The following TRABD2B variants were observed in gnomAD, a reference collection of about 807,000 sequenced individuals.
The protein encoded by TRABD2B is TraB domain containing 2B.
Under a neutral mutation model 40.1 loss-of-function variants are expected in TRABD2B, and 14 were observed. The observed-to-expected ratio is 0.35, with a 90% CI of 0.23 to 0.55. The LOEUF is 0.55. TRABD2B is among the 20% of genes least tolerant of loss of function. The pLI is 0.90. For synonymous variants in TRABD2B, 263 were observed against 277.0 expected (o/e 0.95, Z 0.50); for missense variants, 541 against 648.6 (o/e 0.83, Z 1.80).
intron 4 of TRABD2B, among the ~76,000 whole-genome samples, chr1:47,779,413 G>A (rs187251235): frequency 6.6e-6 from 1 of 152,324 alleles, no homozygotes; most frequent in Admixed American, 6.5e-5. Context: ...AAACATTCAT[G>A]ACAACCTTGC....
chr1:47,865,186 T>C (rs930265354), intron 2 of TRABD2B, among the ~76,000 whole-genome samples: 6 of 152,194 alleles, frequency 3.9e-5, no homozygotes, highest in South Asian at 2.1e-4. Context: ...TGGGAGGTCA[T>C]TGCCCATTTC....
chr1:47,897,796 T>C (rs542157073), intron 2 of TRABD2B, among the ~76,000 whole-genome samples: 1 of 152,330 alleles, frequency 6.6e-6, no homozygotes, highest in African/African-American at 2.4e-5. Flanking sequence ...GCCGACCTAC[T>C]CTACCTCTCT....
chr1:47,889,276 C>T (rs906300531), intron 2 of TRABD2B, among the ~76,000 whole-genome samples: 1 of 152,230 alleles, frequency 6.6e-6, no homozygotes, highest in Non-Finnish European at 1.5e-5. Flanking sequence ...CAGCTCTGCC[C>T]CACCATGCAG....
At chr1:47,945,739 T>C (rs543782536) in intron 2 of TRABD2B, among the ~76,000 whole-genome samples, 11 of 152,328 alleles carry the variant, frequency 7.2e-5, no homozygotes, top group African/African-American at 2.6e-4. Flanking sequence ...ATCAGTAGTT[T>C]TTTTCCTTTT....
At chr1:47,794,998 C>G (rs1644729234) in intron 3 of TRABD2B, among the ~76,000 whole-genome samples, 1 of 152,150 alleles carries the variant, frequency 6.6e-6, no homozygotes, top group South Asian at 2.1e-4. Context: ...CGAACTCCTC[C>G]TGGCTCAAGC....
intron 4 of TRABD2B, among the ~76,000 whole-genome samples, chr1:47,782,791 T>C (rs1388929587): frequency 6.6e-6 from 1 of 152,026 alleles, no homozygotes; most frequent in Non-Finnish European, 1.5e-5. Flanking sequence ...AATCCTAAAA[T>C]AGGTGCCACA....
chr1:47,923,743 C>T (rs1431223273), intron 2 of TRABD2B, among the ~76,000 whole-genome samples: 2 of 152,066 alleles, frequency 1.3e-5, no homozygotes, highest in Non-Finnish European at 2.9e-5. Context: ...AGAGAAAAAG[C>T]CTGACCTCCC....
intron 2 of TRABD2B, among the ~76,000 whole-genome samples, chr1:47,968,597 C>T (rs1645636810): frequency 6.6e-6 from 1 of 152,208 alleles, no homozygotes; most frequent in African/African-American, 2.4e-5. Context: ...CCCTTTGAAT[C>T]ACCTCAACCA....
intron 2 of TRABD2B, among the ~76,000 whole-genome samples, chr1:47,960,851 G>GA (rs1303446645): frequency 6.6e-6 from 1 of 151,942 alleles, no homozygotes; most frequent in Admixed American, 6.6e-5. Flanking sequence ...CACAGAATTG[G>GA]AAAAAACTAC....
intron 2 of TRABD2B, among the ~76,000 whole-genome samples, chr1:47,878,005 G>GAA (rs761950614): frequency 2.4e-5 from 3 of 123,472 alleles, no homozygotes; most frequent in Admixed American, 8.4e-5. Flanking sequence ...CTCCATCTCA[G>GAA]AAAAAAAAAA....
Position 47,994,235 on chromosome 1 carries a change from C to A in TRABD2B, c.465G>T (p.Ala155=), listed in dbSNP as rs3814006. The part of the protein sequence containing the change: ...LYADYLFNAI[A]GNWERKRPVW... ...CGGGCCTCTTGCGCTCCCAGTTGCC[C>A]GCGATGGCATTGAATAGGTAGTCAG... Residue 155 remains alanine (A), a synonymous_variant, in exon 2 of 7, where the codon GCG becomes GCT. Coordinates refer to ENST00000606738, the MANE Select transcript of TRABD2B (RefSeq NM_001194986.2). The surrounding 1 kb of genome is among the most constrained non-coding windows in gnomAD (Gnocchi z 6.7). 6.5e-7 allele frequency: 1 copy of A among 1,543,952 alleles called. No homozygotes were observed. Among genetic ancestry groups the A allele is most frequent in the East Asian group, 2.4e-5 (1 of 41,488 alleles).
chr1:47,807,974 G>A (rs1419543549), intron 2 of TRABD2B, among the ~76,000 whole-genome samples: 1 of 152,208 alleles, frequency 6.6e-6, no homozygotes, highest in Admixed American at 6.5e-5. Flanking sequence ...TTAATTTTAT[G>A]TGTCAACTTG....
In TRABD2B at chr1:47,906,077, T is replaced by C. The variant is rs543946536; in HGVS notation, c.666+87957A>G. ...AGTGGCACACCCTTGCTCAAGGTCA[T>C]ACCTCAGGCCTGCGGCAGAGCTGGG... is the stretch of plus-strand genomic sequence containing the variant. On this transcript the variant is annotated intron_variant, in intron 2 of 6. Transcript: ENST00000606738. Among the ~76,000 whole-genome samples the C allele has an allele frequency of 8.5e-5, 13 of 152,298 alleles. No homozygotes were observed. In the East Asian group the frequency reaches 1.5e-3, roughly 18 times the overall value.
At chr1:47,894,907 C>A (rs900597766) in intron 2 of TRABD2B, among the ~76,000 whole-genome samples, 11 of 152,084 alleles carry the variant, frequency 7.2e-5, no homozygotes, top group African/African-American at 2.4e-4. Flanking sequence ...TGGCCACAGA[C>A]AACCAGAATA....
chr1:47,925,512 T>G (rs1557660829), intron 2 of TRABD2B, among the ~76,000 whole-genome samples: 1 of 152,248 alleles, frequency 6.6e-6, no homozygotes. Context: ...AACTAATCAC[T>G]TAGCAAGTTC....
chr1:47,994,223 C>T lies in TRABD2B; in HGVS notation c.477G>A (p.Glu159=), dbSNP rs1448372379. 1 of 1,546,540 alleles carries T rather than the reference C, an allele frequency of 6.5e-7. No homozygotes were observed. The highest frequency in any genetic ancestry group is 8.7e-7 in the Non-Finnish European group (1 of 1,151,836). ...GCATCACCCAGACGGGCCTCTTGCGCTCCCAGTTGCCCGCGATGGCATTGA... is the reference window on the plus strand; with the variant it reads ...GCATCACCCAGACGGGCCTCTTGCGTTCCCAGTTGCCCGCGATGGCATTGA... ...YLFNAIAGNW[E]RKRPVWVMLM... Residue 159 remains glutamate, a synonymous_variant, in exon 2 of 7, where the codon GAG becomes GAA. Transcript: ENST00000606738. The surrounding 1 kb of genome is among the most constrained non-coding windows in gnomAD (Gnocchi z 6.7).
Position 47,808,918 on chromosome 1 carries a change from C to T in TRABD2B, c.667-7299G>A, listed in dbSNP as rs186675603. 2.0e-5 allele frequency among the ~76,000 whole-genome samples: 3 copies of T among 152,250 alleles called. No individual in the cohort carries two copies. The East Asian group carries it at 5.8e-4, about 29-fold the overall frequency. On this transcript the variant is annotated intron_variant, in intron 2 of 6. Transcript: ENST00000606738. ...CTGGGAAGGAGAGGGGGTGTTAGAACTTTAGCTGTGGTGCACTGTCAGAGC... is the reference window on the plus strand; with the variant it reads ...CTGGGAAGGAGAGGGGGTGTTAGAATTTTAGCTGTGGTGCACTGTCAGAGC...
At chr1:47,916,130 T>G (rs1191190775) in intron 2 of TRABD2B, among the ~76,000 whole-genome samples, 2 of 135,670 alleles carry the variant, frequency 1.5e-5, no homozygotes, top group African/African-American at 5.4e-5. Context: ...GCTCGCCTGC[T>G]CCTCACTCCT....
At chr1:47,769,858 C>T (rs538574027) in intron 6 of TRABD2B, among the ~76,000 whole-genome samples, 3 of 152,286 alleles carry the variant, frequency 2.0e-5, no homozygotes, top group Admixed American at 6.5e-5. Context: ...CTCTAGACCT[C>T]GGTTTCCCCA....
Sources: gnomAD v4.1 joint callset for allele counts (sites outside exome capture counted in the v4.1 genomes callset) on GRCh38, gnomAD v4.1.1 for gene constraint, Gnocchi (gnomAD v3.1) non-coding constraint, MANE v1.5 for transcripts, NCBI Gene and HGNC (gene_info 2026-07-23, HGNC 2026-07-21) for gene names.